The following IMMT variants were observed in gnomAD, a reference collection of about 807,000 sequenced individuals.
IMMT encodes MICOS complex subunit MIC60.
A neutral mutation model predicts 92.7 loss-of-function variants in IMMT; 40 were observed. The ratio of observed to expected loss-of-function variants is 0.43; its 90% CI spans 0.34 to 0.56. The LOEUF is 0.56. IMMT is among the 20% of genes least tolerant of loss of function. IMMT has a pLI of 0.03. For synonymous variants in IMMT, 322 were observed against 336.1 expected, an observed-to-expected ratio of 0.96 and a Z score of 0.46; for missense variants, 831 against 912.1, an observed-to-expected ratio of 0.91 and a Z score of 1.14.
In IMMT at chr2:86,151,306, C is replaced by A; in HGVS notation, c.1392G>T (p.Gln464His). 5 of 1,610,816 alleles carry A rather than the reference C, an allele frequency of 3.1e-6. No homozygotes were observed. Among genetic ancestry groups the A allele is most frequent in the Non-Finnish European group, 4.2e-6 (5 of 1,177,442 alleles). ...EHHRSEIQAE[Q>H]DRKIEEVRDA... ...TTCTCATTTCTCTTACCTTTCTGTC[C>A]TGTTCAGCCTGTATTTCACTTCTGT... The change falls in exon 12 of 15, where the codon CAG becomes CAT. Residue 464 changes from glutamine (Q) to histidine (H), a missense_variant. Transcript: ENST00000410111.
At chr2:86,190,261 A>G (rs1479095074) in intron 1 of IMMT, among the ~76,000 whole-genome samples, 1 of 152,256 alleles carries the variant, frequency 6.6e-6, no homozygotes, top group Non-Finnish European at 1.5e-5. Context: ...ATAATGTTTC[A>G]TAATCCTAAC....
chr2:86,171,852 ATAT>A (rs1677107537), intron 4 of IMMT, among the ~76,000 whole-genome samples: 2 of 117,764 alleles, frequency 1.7e-5, no homozygotes, highest in African/African-American at 6.0e-5. Context: ...AAATACATAT[ATAT>A]ATATATATTT....
In IMMT at chr2:86,144,453, T is replaced by G. The variant is rs751732579; in HGVS notation, c.2092A>C (p.Ile698Leu). 1 of 1,613,996 alleles carries G rather than the reference T, an allele frequency of 6.2e-7. No individual in the cohort carries two copies. The highest frequency in any genetic ancestry group is 8.5e-7 in the Non-Finnish European group (1 of 1,179,880). Residue 698 changes from isoleucine (I) to leucine (L), a missense_variant, in exon 15 of 15, where the codon ATT (isoleucine) becomes CTT (leucine). Coordinates refer to ENST00000410111, the MANE Select transcript of IMMT (RefSeq NM_006839.3). ...GCTAGCTCCAGATCACCATGCTCAA[T>G]GCAATAGGAAGCATATGACAGTAAT... ...FKLLSYASYCIEHGDLELAAK... is the reference protein window; with the variant it reads ...FKLLSYASYCLEHGDLELAAK...
At chr2:86,192,766 G>A (rs1056164393) in intron 1 of IMMT, among the ~76,000 whole-genome samples, 1 of 152,102 alleles carries the variant, frequency 6.6e-6, no homozygotes, top group Admixed American at 6.6e-5. Context: ...TGAAGGGAAG[G>A]TGACATTTGA....
chr2:86,172,743 T>C (rs556918963), intron 4 of IMMT, among the ~76,000 whole-genome samples: 1 of 152,280 alleles, frequency 6.6e-6, no homozygotes, highest in East Asian at 1.9e-4. Flanking sequence ...CTAGCCTCAT[T>C]TGCCCTTTGT....
intron 2 of IMMT, 120 bp downstream of exon 2, chr2:86,181,179 C>A (rs1360730132): frequency 1.7e-5 from 11 of 649,128 alleles, no homozygotes; most frequent in Non-Finnish European, 3.0e-5. Flanking sequence ...AGCAAAGCTT[C>A]GGTGTATGTA....
At chr2:86,151,760 C>T (rs1675482332) in intron 11 of IMMT, among the ~76,000 whole-genome samples, 1 of 152,170 alleles carries the variant, frequency 6.6e-6, no homozygotes, top group Non-Finnish European at 1.5e-5. Flanking sequence ...TCCAGGAACC[C>T]TCTTTTAATC....
intron 12 of IMMT, among the ~76,000 whole-genome samples, chr2:86,148,937 A>G (rs891385048): frequency 6.6e-6 from 1 of 152,228 alleles, no homozygotes; most frequent in Non-Finnish European, 1.5e-5. Flanking sequence ...TACGGATCCA[A>G]TGGTGCTTAG....
At chr2:86,158,757 C>A in intron 9 of IMMT, 36 bp from the exon 10 acceptor site, 1 of 1,520,452 alleles carries the variant, frequency 6.6e-7, no homozygotes, top group South Asian at 1.2e-5. Context: ...TTAAATTGAA[C>A]AAAAAATACC....
At chr2:86,170,954 G>A in intron 5 of IMMT, 110 bp from the exon 6 acceptor site, 1 of 775,878 alleles carries the variant, frequency 1.3e-6, no homozygotes, top group Non-Finnish European at 2.1e-6. Context: ...TCAATGCAGG[G>A]CATTTTTGTG....
rs1268374399 is a variant in IMMT, at chr2:86,151,321, T to C, written c.1377A>G (p.Glu459=). 1.2e-6 allele frequency: 2 copies of C among 1,613,646 alleles called. No individual in the cohort carries two copies. Among genetic ancestry groups the C allele is most frequent in the Admixed American group, 1.7e-5 (1 of 60,034 alleles). ...VAKALEHHRS[E]IQAEQDRKIE... ...CCTTTCTGTCCTGTTCAGCCTGTAT[T>C]TCACTTCTGTGATGTTCTAATGCTT... is the stretch of plus-strand genomic sequence containing the variant. The change falls in exon 12 of 15, where the codon GAA becomes GAG. Residue 459 remains glutamate (E), a synonymous_variant. Transcript: ENST00000410111.
chr2:86,170,743 A>G lies in IMMT; in HGVS notation c.655+6T>C. ...AAATCCTTAAGAAGCTGTCTGGTTT[A>G]CATACACTCAATTTTAACTTGTTCT... is the stretch of plus-strand genomic sequence containing the variant. On this transcript the variant is annotated splice_donor_region_variant and intron_variant, in intron 6 of 14. Coordinates refer to ENST00000410111, the MANE Select transcript of IMMT (RefSeq NM_006839.3). The G allele has an allele frequency of 6.4e-7, 1 of 1,560,490 alleles. No individual in the cohort carries two copies. Among genetic ancestry groups the G allele is most frequent in the Non-Finnish European group, 8.7e-7 (1 of 1,148,238 alleles).
intron 4 of IMMT, among the ~76,000 whole-genome samples, chr2:86,173,298 A>G (rs1677223716): frequency 6.6e-6 from 1 of 152,232 alleles, no homozygotes; most frequent in African/African-American, 2.4e-5. Flanking sequence ...ATTGGTGAAG[A>G]GGCCGGGCAT....
Position 86,159,651 on chromosome 2 carries a change from T to C in IMMT, c.917A>G (p.Lys306Arg). The change falls in exon 9 of 15, where the codon AAA becomes AGA. Residue 306 changes from lysine to arginine, a missense_variant. Coordinates refer to ENST00000410111, the MANE Select transcript of IMMT (RefSeq NM_006839.3). The stretch of plus-strand genomic sequence containing the variant: ...TTTCTTTGCATTTTCAATCACACTT[T>C]TCATCTTCTCTAACTCTTCTCTGGA... ...LKAKEELEKM[K>R]SVIENAKKKE... 1 of 1,575,542 alleles carries C rather than the reference T, an allele frequency of 6.3e-7. No homozygotes were observed. Among genetic ancestry groups the C allele is most frequent in the Middle Eastern group, 1.7e-4 (1 of 5,854 alleles).
chr2:86,172,750 T>C lies in IMMT; in HGVS notation c.421+900A>G, dbSNP rs575296654. Among the ~76,000 whole-genome samples the C allele has an allele frequency of 2.0e-5, 3 of 152,318 alleles. No homozygotes were observed. In the East Asian group the frequency reaches 5.8e-4, roughly 29 times the overall value. ...AATTCACTCTAGCCTCATTTGCCCTTTGTTTGAATATATCAAGCCTCTACA... is the reference window on the plus strand; with the variant it reads ...AATTCACTCTAGCCTCATTTGCCCTCTGTTTGAATATATCAAGCCTCTACA... On this transcript the variant is annotated intron_variant, in intron 4 of 14. Coordinates refer to ENST00000410111, the MANE Select transcript of IMMT (RefSeq NM_006839.3).
intron 1 of IMMT, among the ~76,000 whole-genome samples, chr2:86,186,763 G>T (rs555124688): frequency 6.6e-6 from 1 of 152,322 alleles, no homozygotes; most frequent in South Asian, 2.1e-4. Context: ...TTCCAGAACT[G>T]AGTAAGGCAA....
At chr2:86,168,952 T>G (rs1285269022) in intron 6 of IMMT, among the ~76,000 whole-genome samples, 2 of 152,200 alleles carry the variant, frequency 1.3e-5, no homozygotes, top group African/African-American at 4.8e-5. Context: ...TGTGAACCAC[T>G]TTATGGAGGC....
At chr2:86,176,522 G>C (rs756480466) in intron 3 of IMMT, among the ~76,000 whole-genome samples, 7 of 152,184 alleles carry the variant, frequency 4.6e-5, no homozygotes, top group Non-Finnish European at 1.0e-4. Context: ...GGTAATGCAA[G>C]AAGATTAAAC....
chr2:86,179,986 A>T (rs1672319810), intron 2 of IMMT, among the ~76,000 whole-genome samples: 1 of 152,122 alleles, frequency 6.6e-6, no homozygotes, highest in African/African-American at 2.4e-5. Flanking sequence ...CCGAGGTAGG[A>T]GGAATGCTTA....
Sources: allele counts gnomAD v4.1 joint callset (sites outside exome capture counted in the v4.1 genomes callset), GRCh38; gene constraint gnomAD v4.1.1; transcripts MANE v1.5; gene names NCBI Gene and HGNC (gene_info 2026-07-23, HGNC 2026-07-21).